Variants in AKAP7 observed in about 807,000 individuals in gnomAD.
AKAP7 encodes the protein A-kinase anchoring protein 7, also known as A kinase (PRKA) anchor protein 7.
In AKAP7, 39 loss-of-function variants were observed where a neutral mutation model predicts 39.5. That is an observed-to-expected ratio of 0.99 (90% confidence interval 0.76 to 1.29). The LOEUF is 1.29. AKAP7 is among the 50% of genes most tolerant of loss of function. The probability of loss-of-function intolerance (pLI) is 0.00; values close to 1 mark genes in which losing one functional copy is unlikely to be tolerated. For synonymous variants in AKAP7, 140 were observed against 139.1 expected (o/e 1.01, Z -0.05); for missense variants, 414 against 407.7 (o/e 1.02, Z -0.13).
chr6:131,130,470 A>G (rs1306463950), upstream of AKAP7, among the ~76,000 whole-genome samples: 1 of 152,092 alleles, frequency 6.6e-6, no homozygotes, highest in Admixed American at 6.5e-5. Flanking sequence ...CTAATTTTGT[A>G]TTGTTAGTAG....
intron 7 of AKAP7, chr6:131,250,680 G>A (rs767893657): frequency 5.6e-5 from 87 of 1,555,404 alleles, no homozygotes; most frequent in Non-Finnish European, 7.5e-5. Context: ...TTGTCTTCTA[G>A]GGGTAGTTTT....
chr6:131,229,009 G>A (rs11753124), intron 7 of AKAP7, among the ~76,000 whole-genome samples: 9,357 of 152,228 alleles, frequency 0.061, 419 homozygotes, highest in Middle Eastern at 0.12. Flanking sequence ...TATGCTTGAG[G>A]CACTTTTGCT....
intron 7 of AKAP7, among the ~76,000 whole-genome samples, chr6:131,239,995 G>A (rs1811400497): frequency 6.6e-6 from 1 of 152,172 alleles, no homozygotes; most frequent in South Asian, 2.1e-4. Context: ...GATTTTTAGA[G>A]TTTCCAGTTT....
chr6:131,250,686 G>A, intron 7 of AKAP7: 1 of 1,523,434 alleles, frequency 6.6e-7, no homozygotes, highest in Non-Finnish European at 9.1e-7. Context: ...TCTAGGGGTA[G>A]TTTTGCTCTT....
chr6:131,220,569 A>G (rs1011861618), intron 7 of AKAP7, among the ~76,000 whole-genome samples: 2 of 152,226 alleles, frequency 1.3e-5, no homozygotes, highest in Non-Finnish European at 2.9e-5. Flanking sequence ...ATACTCAAAG[A>G]AGACAAATAC....
intron 7 of AKAP7, chr6:131,242,234 C>G: frequency 4.1e-6 from 4 of 965,910 alleles, no homozygotes; most frequent in Non-Finnish European, 4.9e-6. Flanking sequence ...GCGCAATTGA[C>G]CATCACAGTT....
At chr6:131,209,840 A>C (rs918645592) in intron 6 of AKAP7, among the ~76,000 whole-genome samples, 1 of 152,142 alleles carries the variant, frequency 6.6e-6, no homozygotes, top group Non-Finnish European at 1.5e-5. Context: ...CCCACAGTGG[A>C]TTGATTATGG....
rs1807301074 is a variant in AKAP7, at chr6:131,199,458, C to T, written c.590-3C>T. On this transcript the variant is annotated splice_polypyrimidine_tract_variant and splice_region_variant and intron_variant, in intron 5 of 7. Transcript: ENST00000431975. Reference sequence around the variant, plus strand: ...TTTCTTTGTTTCTCTTTATTTTCTTCAGAGACTGCAAATAGGACATTTCAA... The same window carrying T: ...TTTCTTTGTTTCTCTTTATTTTCTTTAGAGACTGCAAATAGGACATTTCAA... 1.9e-6 allele frequency: 3 copies of T among 1,561,028 alleles called. No individual in the cohort carries two copies. Among genetic ancestry groups the T allele is most frequent in the African/African-American group, 1.4e-5 (1 of 73,372 alleles).
Position 131,135,735 on chromosome 6 carries a change from C to G in AKAP7, c.-29C>G. On this transcript the variant is annotated 5_prime_UTR_variant, in exon 1 of 8. Coordinates refer to ENST00000431975, the MANE Select transcript of AKAP7 (RefSeq NM_016377.4). Reference sequence around the variant, plus strand: ...CCCGCCACCGCCGCTGCCGCCAGCCCAGACGCGCCGCCCGCATGCGCCGCG... The same window carrying G: ...CCCGCCACCGCCGCTGCCGCCAGCCGAGACGCGCCGCCCGCATGCGCCGCG... 1.6e-6 allele frequency: 2 copies of G among 1,217,284 alleles called. No individual in the cohort carries two copies. Among genetic ancestry groups the G allele is most frequent in the South Asian group, 4.1e-5 (1 of 24,674 alleles). The allele number at this position is 1,217,284 out of a possible 1,614,324, so 75.4% of individuals were successfully genotyped here. A position where few individuals can be genotyped will look rare whatever the true frequency, so the allele number is the denominator to read the frequency against.
rs571789209 is a variant in AKAP7 at position 131,148,786 on chromosome 6, G to A, written c.151+3370G>A. ...AAACCGTAAGAAAGGTATAATAATAGTGTTTGTGCCTGAAACACAATATAA... is the reference window on the plus strand; with the variant it reads ...AAACCGTAAGAAAGGTATAATAATAATGTTTGTGCCTGAAACACAATATAA... On this transcript the variant is annotated intron_variant, in intron 2 of 7. Coordinates refer to ENST00000431975, the MANE Select transcript of AKAP7 (RefSeq NM_016377.4). Among the ~76,000 whole-genome samples, 7 of 152,264 alleles carry A rather than the reference G, an allele frequency of 4.6e-5. No homozygotes were observed. In the South Asian group the frequency reaches 1.5e-3, roughly 32 times the overall value.
chr6:131,261,684 A>AAAT (rs1813352352), intron 7 of AKAP7, among the ~76,000 whole-genome samples: 1 of 152,194 alleles, frequency 6.6e-6, no homozygotes, highest in South Asian at 2.1e-4. Flanking sequence ...CAAGTTCATG[A>AAAT]AATACGCATT....
chr6:131,156,614 T>C (rs1802439885), intron 2 of AKAP7, among the ~76,000 whole-genome samples: 1 of 152,058 alleles, frequency 6.6e-6, no homozygotes, highest in African/African-American at 2.4e-5. Flanking sequence ...CACTCCAGCC[T>C]GGGTGACAGA....
At chr6:131,204,775 A>G (rs1415602888) in intron 6 of AKAP7, among the ~76,000 whole-genome samples, 1 of 152,140 alleles carries the variant, frequency 6.6e-6, no homozygotes, top group Non-Finnish European at 1.5e-5. Flanking sequence ...AAGATTTTCC[A>G]TTGTCATGGG....
chr6:131,184,671 G>A, intron 5 of AKAP7: 1 of 774,304 alleles, frequency 1.3e-6, no homozygotes, highest in Non-Finnish European at 2.4e-6. Context: ...AGTTCCCCAG[G>A]CAGAAGTTAC....
intron 6 of AKAP7, chr6:131,199,948 G>T (rs1431224314): frequency 1.3e-5 from 3 of 227,950 alleles, no homozygotes; most frequent in Non-Finnish European, 2.6e-5. Context: ...GGCCTGTTAC[G>T]CTGGTGCTGC....
intron 2 of AKAP7, among the ~76,000 whole-genome samples, chr6:131,157,869 C>T (rs576647363): frequency 5.3e-5 from 8 of 152,238 alleles, no homozygotes; most frequent in East Asian, 1.9e-4. Flanking sequence ...AATAGATGCA[C>T]GAACACACCA....
At chr6:131,241,929 A>G (rs895874884) in intron 7 of AKAP7, 6 of 528,930 alleles carry the variant, frequency 1.1e-5, no homozygotes, top group Non-Finnish European at 1.5e-5. Flanking sequence ...TGCATCTTCT[A>G]CAGAGAAACT....
At chr6:131,167,133 C>T (rs1208940513) in intron 4 of AKAP7, among the ~76,000 whole-genome samples, 2 of 152,096 alleles carry the variant, frequency 1.3e-5, no homozygotes, top group Non-Finnish European at 2.9e-5. Flanking sequence ...TTGAGAATTT[C>T]GTTTCTTATA....
intron 7 of AKAP7, among the ~76,000 whole-genome samples, chr6:131,242,718 ATTC>A (rs1811719330): frequency 6.6e-6 from 1 of 152,092 alleles, no homozygotes; most frequent in Non-Finnish European, 1.5e-5. Context: ...GATGAGCTCC[ATTC>A]TTCTTCCTAG....
Sources: gnomAD v4.1 joint callset for allele counts (sites outside exome capture counted in the v4.1 genomes callset) on GRCh38, gnomAD v4.1.1 for gene constraint, MANE v1.5 for transcripts, NCBI Gene and HGNC (gene_info 2026-07-23, HGNC 2026-07-21) for gene names.